The following SH3RF3 variants were observed in gnomAD, a reference collection of about 807,000 sequenced individuals.
SH3RF3 encodes the protein E3 ubiquitin-protein ligase SH3RF3.
In SH3RF3, 29 loss-of-function variants were observed where a neutral mutation model predicts 66.3. The ratio of observed to expected loss-of-function variants is 0.44; its 90% CI spans 0.33 to 0.60. SH3RF3 has a LOEUF of 0.60. Ranked by LOEUF, SH3RF3 falls within the 20% of genes least tolerant of loss-of-function variation. The pLI, the probability that SH3RF3 is intolerant of heterozygous loss-of-function variation, is 0.04. For synonymous variants in SH3RF3, 583 were observed against 532.0 expected (o/e 1.10, Z -1.32); for missense variants, 1,194 against 1,190.9 (o/e 1.00, Z -0.04).
At chr2:109,470,322 G>A (rs904254987) in intron 8 of SH3RF3, among the ~76,000 whole-genome samples, 2 of 152,118 alleles carry the variant, frequency 1.3e-5, no homozygotes, top group Non-Finnish European at 2.9e-5. Context: ...CTTGCATTTC[G>A]GGTAGACTCC....
At chr2:109,173,698 A>G (rs1677843412) in intron 1 of SH3RF3, among the ~76,000 whole-genome samples, 2 of 152,190 alleles carry the variant, frequency 1.3e-5, no homozygotes, top group Admixed American at 1.3e-4. Context: ...CAGTGAATGT[A>G]AGATGGGAAA....
chr2:109,351,306 G>A (rs1247554766), intron 2 of SH3RF3, among the ~76,000 whole-genome samples: 1 of 152,208 alleles, frequency 6.6e-6, no homozygotes, highest in Non-Finnish European at 1.5e-5. Flanking sequence ...GACTTAGGGT[G>A]ACACATAACC....
chr2:109,423,607 G>T (rs1676940797), intron 5 of SH3RF3, among the ~76,000 whole-genome samples: 1 of 152,142 alleles, frequency 6.6e-6, no homozygotes, highest in Non-Finnish European at 1.5e-5. Context: ...GGTAAAATAA[G>T]TCCCTGCCAG....
At chr2:109,478,966 G>C (rs13403387) in intron 8 of SH3RF3, among the ~76,000 whole-genome samples, 1 of 152,218 alleles carries the variant, frequency 6.6e-6, no homozygotes, top group Non-Finnish European at 1.5e-5. Context: ...TTAGGCCTTA[G>C]CTGAGAGAAC....
chr2:109,426,173 C>T (rs1443467981), intron 5 of SH3RF3, among the ~76,000 whole-genome samples: 3 of 152,130 alleles, frequency 2.0e-5, no homozygotes, highest in South Asian at 2.1e-4. Flanking sequence ...CCTCCCAAAG[C>T]GCTGGGATTA....
intron 2 of SH3RF3, among the ~76,000 whole-genome samples, chr2:109,367,547 G>A (rs1170794156): frequency 6.6e-6 from 1 of 151,886 alleles, no homozygotes; most frequent in Non-Finnish European, 1.5e-5. Context: ...CTCCCAAAGT[G>A]CTGGGATTAC....
chr2:109,363,750 A>G (rs1340315576), intron 2 of SH3RF3, among the ~76,000 whole-genome samples: 4 of 152,106 alleles, frequency 2.6e-5, no homozygotes, highest in African/African-American at 9.6e-5. Flanking sequence ...CTAGGTTGGT[A>G]GGTTTTTTCT....
At chr2:109,413,176 G>A (rs1031032022) in intron 4 of SH3RF3, among the ~76,000 whole-genome samples, 9 of 152,168 alleles carry the variant, frequency 5.9e-5, no homozygotes, top group Non-Finnish European at 1.0e-4. Flanking sequence ...GTGCAGTGGC[G>A]TGATCTCAGC....
At chr2:109,291,494 G>C (rs1262106240) in intron 1 of SH3RF3, among the ~76,000 whole-genome samples, 3 of 152,152 alleles carry the variant, frequency 2.0e-5, no homozygotes, top group Non-Finnish European at 1.5e-5. Context: ...AGGGGCCTTC[G>C]GGCACGTGCT....
chr2:109,393,347 A>G (rs565926255), intron 3 of SH3RF3, among the ~76,000 whole-genome samples: 112 of 152,330 alleles, frequency 7.4e-4, no homozygotes, highest in South Asian at 4.8e-3. Context: ...TGCTACAACA[A>G]TGGCATCTGC....
intron 1 of SH3RF3, among the ~76,000 whole-genome samples, chr2:109,200,696 C>G (rs17035131): frequency 6.6e-6 from 1 of 152,182 alleles, no homozygotes; most frequent in Non-Finnish European, 1.5e-5. Flanking sequence ...CCCTGCACTC[C>G]GGTTGGTTCA....
intron 5 of SH3RF3, among the ~76,000 whole-genome samples, chr2:109,429,567 C>T (rs1677132573): frequency 6.6e-6 from 1 of 152,064 alleles, no homozygotes; most frequent in South Asian, 2.1e-4. Flanking sequence ...GCCAACATAC[C>T]CCATTCAGGA....
At chr2:109,306,612 A>T (rs987693716) in intron 1 of SH3RF3, among the ~76,000 whole-genome samples, 19 of 152,142 alleles carry the variant, frequency 1.2e-4, no homozygotes, top group Admixed American at 1.2e-3. Context: ...GCCGCAACCC[A>T]CTGTTATGCA....
At chr2:109,266,178 C>T (rs528902034) in intron 1 of SH3RF3, among the ~76,000 whole-genome samples, 99 of 143,052 alleles carry the variant, frequency 6.9e-4, no homozygotes, top group Middle Eastern at 3.8e-3. Flanking sequence ...GTGTGTTGTG[C>T]GTGCATGTGT....
At chr2:109,404,622 G>A (rs550832079) in intron 4 of SH3RF3, among the ~76,000 whole-genome samples, 4 of 152,164 alleles carry the variant, frequency 2.6e-5, no homozygotes, top group African/African-American at 9.7e-5. Flanking sequence ...GCCTGGGCAG[G>A]TGGGGTGTGG....
intron 1 of SH3RF3, among the ~76,000 whole-genome samples, chr2:109,214,933 C>T (rs537530098): frequency 1.3e-5 from 2 of 152,290 alleles, no homozygotes; most frequent in East Asian, 1.9e-4. Flanking sequence ...GAGCTCTGCA[C>T]CAGCTGTAGT....
chr2:109,425,497 G>T (rs1449984932), intron 5 of SH3RF3, among the ~76,000 whole-genome samples: 4 of 152,232 alleles, frequency 2.6e-5, no homozygotes, highest in Non-Finnish European at 5.9e-5. Flanking sequence ...AGACTCTCTT[G>T]TTAGGGGCTA....
intron 7 of SH3RF3, among the ~76,000 whole-genome samples, chr2:109,448,104 A>G (rs1440710159): frequency 6.6e-6 from 1 of 152,162 alleles, no homozygotes; most frequent in Non-Finnish European, 1.5e-5. Flanking sequence ...CAGTGTGGAA[A>G]CCAAGGACCA....
chr2:109,467,249 TG>T (rs1490108734), intron 8 of SH3RF3, among the ~76,000 whole-genome samples: 1 of 152,242 alleles, frequency 6.6e-6, no homozygotes, highest in Non-Finnish European at 1.5e-5. Context: ...GCCAATCAGC[TG>T]ATGAATGCAT....
Sources: allele counts gnomAD v4.1 joint callset (sites outside exome capture counted in the v4.1 genomes callset), GRCh38; gene constraint gnomAD v4.1.1; transcripts MANE v1.5; gene names NCBI Gene and HGNC (gene_info 2026-07-23, HGNC 2026-07-21).